Variants in TSPAN17 observed in about 807,000 individuals in gnomAD.
TSPAN17 encodes the protein tetraspanin 17, also known as tetraspanin-17.
TSPAN17 carries 33 observed loss-of-function variants against 40.5 expected under a neutral mutation model. The ratio of observed to expected loss-of-function variants is 0.81; its 90% CI spans 0.62 to 1.09. The LOEUF is 1.09. Ranked by LOEUF, TSPAN17 falls within the 50% of genes least tolerant of loss-of-function variation. The probability of loss-of-function intolerance (pLI) is 0.00; values close to 1 mark genes in which losing one functional copy is unlikely to be tolerated. For synonymous variants in TSPAN17, 166 were observed against 169.4 expected (o/e 0.98, Z 0.15); for missense variants, 365 against 416.8 (o/e 0.88, Z 1.08).
rs80096205 is a variant in TSPAN17, at chr5:176,647,860, A to T, written c.87+158A>T. 373 of 624,274 alleles carry T rather than the reference A, an allele frequency of 6.0e-4. 2 individuals are homozygous for T. In the African/African-American group the frequency reaches 6.6e-3, roughly 11 times the overall value. 38.7% of individuals were successfully genotyped at this position (624,274 alleles called of 1,614,324 possible). On this transcript the variant is annotated intron_variant, in intron 1 of 8. Transcript: ENST00000508164. ...CCACGCCCACTTCCAGGACCACCCG[A>T]GGTAGCTACAGAGGCCCGGATTGCT...
In TSPAN17 at chr5:176,658,623, G is replaced by T. The variant is rs951885023; in HGVS notation, c.*925G>T. ...AGACCAAGAGAGTGCGGTGGGGATG[G>T]GGGGGAGAGCACGGGTCCCCGTCTG... is the stretch of plus-strand genomic sequence containing the variant. On this transcript the variant is annotated 3_prime_UTR_variant, in exon 9 of 9. Transcript: ENST00000508164. 11 of 152,354 alleles carry T rather than the reference G, an allele frequency of 7.2e-5. No individual in the cohort carries two copies. Among genetic ancestry groups the T allele is most frequent in the Admixed American group, 1.3e-4 (2 of 15,306 alleles). The allele number at this position is 152,354 out of a possible 1,614,324, so 9.4% of individuals were successfully genotyped here. A position where few individuals can be genotyped will look rare whatever the true frequency, so the allele number is the denominator to read the frequency against.
At chr5:176,648,073 C>T (rs1175873744) in intron 1 of TSPAN17, among the ~76,000 whole-genome samples, 3 of 152,326 alleles carry the variant, frequency 2.0e-5, no homozygotes, top group African/African-American at 4.8e-5. Context: ...CCAAGCCCCA[C>T]CCCTGGTTTA....
In TSPAN17 at chr5:176,650,130, A is replaced by T. The variant is rs1760911099; in HGVS notation, c.88-1486A>T. On this transcript the variant is annotated intron_variant, in intron 1 of 8. Coordinates refer to ENST00000508164, the MANE Select transcript of TSPAN17 (RefSeq NM_130465.5). This position sits in a 1 kb window ranked among gnomAD's most constrained non-coding sequence, Gnocchi z 4.0. ...CCAGCGAATCCCCGGCATGGCGGCG[A>T]TCAGTGCCGGTGGGTCGTGGAGGTG... 1.3e-5 allele frequency among the ~76,000 whole-genome samples: 2 copies of T among 152,060 alleles called. No homozygotes were observed. Among genetic ancestry groups the T allele is most frequent in the African/African-American group, 4.8e-5 (2 of 41,382 alleles).
chr5:176,652,876 T>C lies in TSPAN17; in HGVS notation c.419T>C (p.Ile140Thr), dbSNP rs17624798. The C allele has an allele frequency of 0.014, 23,093 of 1,614,190 alleles. 212 individuals are homozygous for C. Among genetic ancestry groups the C allele is most frequent in the Non-Finnish European group, 0.017 (20,429 of 1,180,010 alleles). Reference protein sequence around the residue: ...NNNVKAYRDDIDLQNLIDFAQ... With the variant: ...NNNVKAYRDDTDLQNLIDFAQ... ...AACGTCAAGGCCTACCGGGACGACA[T>C]TGACCTCCAGAACCTCATTGACTTT... The change falls in exon 4 of 9, where the codon ATT becomes ACT. Residue 140 changes from isoleucine to threonine, a missense_variant. Transcript: ENST00000508164.
chr5:176,649,958 G>A (rs773346399), intron 1 of TSPAN17, among the ~76,000 whole-genome samples: 7 of 152,026 alleles, frequency 4.6e-5, no homozygotes, highest in Non-Finnish European at 1.0e-4. Flanking sequence ...TAAAGCTGGC[G>A]TCCAACCCCA....
chr5:176,649,970 C>T (rs150787402), intron 1 of TSPAN17, among the ~76,000 whole-genome samples: 1 of 152,352 alleles, frequency 6.6e-6, no homozygotes, highest in Non-Finnish European at 1.5e-5. Flanking sequence ...CCAACCCCAG[C>T]ATCCCCCATC....
rs1760972120 is a variant in TSPAN17, at chr5:176,651,751, C to T, written c.139-3C>T. On this transcript the variant is annotated splice_region_variant and splice_polypyrimidine_tract_variant and intron_variant, in intron 2 of 8. Transcript: ENST00000508164. This position sits in a 1 kb window ranked among gnomAD's most constrained non-coding sequence, Gnocchi z 4.5. ...CCACACCTGCCTCTGCTGCCCGGCA[C>T]AGGGCGTTCTCTCGAACATCTCAGC... 6.2e-7 allele frequency: 1 copy of T among 1,614,040 alleles called. No homozygotes were observed. The highest frequency in any genetic ancestry group is 8.5e-7 in the Non-Finnish European group (1 of 1,180,006).
In TSPAN17 at chr5:176,650,929, G is replaced by T. The variant is rs1190179910; in HGVS notation, c.88-687G>T. Among the ~76,000 whole-genome samples, 2 of 152,208 alleles carry T rather than the reference G, an allele frequency of 1.3e-5. No homozygotes were observed. The highest frequency in any genetic ancestry group is 4.8e-5 in the African/African-American group (2 of 41,462). On this transcript the variant is annotated intron_variant, in intron 1 of 8. Coordinates refer to ENST00000508164, the MANE Select transcript of TSPAN17 (RefSeq NM_130465.5). The surrounding 1 kb of genome is among the most constrained non-coding windows in gnomAD (Gnocchi z 4.0). ...GCAGGAAGGTGGGAAAGCTGAGGAT[G>T]GAGGAGAGGCACTTGGACTGCCCCG...
At position 176,651,804 on chromosome 5, in the gene TSPAN17, C is replaced by T. The variant is rs35207938; in HGVS notation, c.189C>T (p.Pro63=). The change falls in exon 3 of 9, where the codon CCC becomes CCT. Residue 63 remains proline, a synonymous_variant. Coordinates refer to ENST00000508164, the MANE Select transcript of TSPAN17 (RefSeq NM_130465.5). This position sits in a 1 kb window ranked among gnomAD's most constrained non-coding sequence, Gnocchi z 4.5. ...SALTDLGGLD[P]VWLFVVVGGV... The stretch of plus-strand genomic sequence containing the variant: ...TGACAGATCTGGGAGGCCTTGACCC[C>T]GTGTGGCTGTTTGTGGTAGTTGGAG... 14,329 of 1,614,106 alleles carry T rather than the reference C, an allele frequency of 8.9e-3. 83 individuals are homozygous for T. The highest frequency in any genetic ancestry group is 0.01 in the Non-Finnish European group (12,125 of 1,180,008).
chr5:176,655,021 G>T lies in TSPAN17; in HGVS notation c.582+1G>T. On this transcript the variant is annotated splice_donor_variant, in intron 5 of 8. Coordinates refer to ENST00000508164, the MANE Select transcript of TSPAN17 (RefSeq NM_130465.5). LOFTEE classifies it high-confidence loss of function. ...CTCCTGCTGCGTCAGGGACCCTGCG[G>T]TGAGTGGGGCTGGGGGAGGAGAGGT... 1.2e-6 allele frequency: 2 copies of T among 1,602,370 alleles called. No homozygotes were observed. Among genetic ancestry groups the T allele is most frequent in the Non-Finnish European group, 1.7e-6 (2 of 1,174,138 alleles).
intron 3 of TSPAN17, 122 bp downstream of exon 3, chr5:176,652,022 C>T (rs1368092815): frequency 7.4e-7 from 1 of 1,352,270 alleles, no homozygotes; most frequent in Non-Finnish European, 1.0e-6. Context: ...TCGTTAGATT[C>T]ATGTTGTCTA....
At position 176,657,564 on chromosome 5, in the gene TSPAN17, A is replaced by C; in HGVS notation, c.856A>C (p.Ile286Leu). The change falls in exon 9 of 9, where the codon ATT becomes CTT. Residue 286 changes from isoleucine to leucine, a missense_variant. By Grantham distance (5) the Ile-to-Leu change is conservative (BLOSUM62 2). Transcript: ENST00000508164. ...TGAAAACCACTGGCTTACGCCCACC[A>C]TTTCCGAGGTCCTGTCCACGGCGGG... ...DFENHWLTPT[I>L]SEVLSTAGPQ... 1 of 1,612,774 alleles carries C rather than the reference A, an allele frequency of 6.2e-7. No individual in the cohort carries two copies.
chr5:176,648,492 A>C (rs1253946085), intron 1 of TSPAN17, among the ~76,000 whole-genome samples: 1 of 152,190 alleles, frequency 6.6e-6, no homozygotes, highest in Non-Finnish European at 1.5e-5. Flanking sequence ...GGCCCTCTGC[A>C]GTCTCTGCTC....
At chr5:176,648,648 T>C (rs11134989) in intron 1 of TSPAN17, among the ~76,000 whole-genome samples, 71,256 of 152,092 alleles carry the variant, frequency 0.47, 18,918 homozygotes, top group Non-Finnish European at 0.6. Flanking sequence ...GTGTGGGCAG[T>C]GTGTGGGAGC....
Position 176,651,940 on chromosome 5 carries a change from C to T in TSPAN17, c.285+40C>T. The T allele has an allele frequency of 1.2e-6, 2 of 1,610,994 alleles. No homozygotes were observed. Among genetic ancestry groups the T allele is most frequent in the Non-Finnish European group, 1.7e-6 (2 of 1,178,932 alleles). On this transcript the variant is annotated intron_variant, in intron 3 of 8. Transcript: ENST00000508164. This position sits in a 1 kb window ranked among gnomAD's most constrained non-coding sequence, Gnocchi z 4.5. ...CAAGATCCCCTGGGAACCCCCATCT[C>T]CTCCCATCCAGTTCTTGCAATACAG...
intron 1 of TSPAN17, among the ~76,000 whole-genome samples, chr5:176,648,220 C>T (rs1760822152): frequency 1.3e-5 from 2 of 152,326 alleles, no homozygotes; most frequent in Admixed American, 1.3e-4. Context: ...TCTGCCCACC[C>T]CAGTCCCGCA....
chr5:176,655,514 A>G (rs539052218), intron 5 of TSPAN17, among the ~76,000 whole-genome samples: 1 of 152,242 alleles, frequency 6.6e-6, no homozygotes, highest in African/African-American at 2.4e-5. Flanking sequence ...CTTCAGTCAT[A>G]GTCCATCTGG....
intron 1 of TSPAN17, 23 bp downstream of exon 1, chr5:176,647,725 G>A (rs777195453): frequency 2.6e-6 from 4 of 1,564,758 alleles, no homozygotes; most frequent in African/African-American, 1.4e-5. Flanking sequence ...TCTGCGCCTT[G>A]CCCTGTGCTG....
rs572663802 is a variant in TSPAN17, at chr5:176,654,446, G to A, written c.457-449G>A. On this transcript the variant is annotated intron_variant, in intron 4 of 8. Transcript: ENST00000508164. This position sits in a 1 kb window ranked among gnomAD's most constrained non-coding sequence, Gnocchi z 4.3. ...CGGCATGGAGGAAATGGGGTGGCAC[G>A]GCTATGGGGGTGGCAGGATTCCCCT... is the stretch of plus-strand genomic sequence containing the variant. 50 of 170,876 alleles carry A rather than the reference G, an allele frequency of 2.9e-4. No individual in the cohort carries two copies. The highest frequency in any genetic ancestry group is 1.1e-3 in the African/African-American group (47 of 41,872). 10.6% of individuals were successfully genotyped at this position (170,876 alleles called of 1,614,324 possible).
Sources: gnomAD v4.1 joint callset for allele counts (sites outside exome capture counted in the v4.1 genomes callset) on GRCh38, gnomAD v4.1.1 for gene constraint, Gnocchi (gnomAD v3.1) non-coding constraint, MANE v1.5 for transcripts, NCBI Gene and HGNC (gene_info 2026-07-23, HGNC 2026-07-21) for gene names.